AR: variants seen among roughly 807,000 people sequenced by gnomAD.
AR encodes androgen receptor, also known as dihydrotestosterone receptor.
AR carries 8 observed loss-of-function variants against 53.9 expected under a neutral mutation model. That is an observed-to-expected ratio of 0.15 (90% CI 0.09 to 0.27). The LOEUF is 0.27. Ranked by LOEUF, AR falls within the 10% of genes least tolerant of loss-of-function variation. The pLI, the probability that AR is intolerant of heterozygous loss-of-function variation, is 1.00. For missense variants in AR, 639 were observed against 742.5 expected (o/e 0.86, Z 1.62); for synonymous variants, 359 against 316.4 (o/e 1.13, Z -1.43).
intron 1 of AR, among the ~76,000 whole-genome samples, chrX:67,626,436 C>CTTTTTTTTTTTT (rs1233324601): frequency 4.3e-5 from 2 of 46,808 alleles, no homozygotes; most frequent in African/African-American, 7.3e-5. Context: ...CAGGCTCTCT[C>CTTTTTTTTTTTT]TTTTTTTTTT....
chrX:67,690,693 A>T (rs764965239), intron 3 of AR, among the ~76,000 whole-genome samples: 2 of 112,141 alleles, frequency 1.8e-5, no homozygotes, highest in African/African-American at 6.5e-5. Context: ...GGGGAAGCAG[A>T]ACTGAATAAG....
rs2147319325 is a variant in AR, at chrX:67,546,102, G to T, written c.956G>T (p.Gly319Val). The change falls in exon 1 of 8, where the codon GGG becomes GTG. Residue 319 changes from glycine (G) to valine (V), a missense_variant. Physicochemically the swap from Gly to Val is moderately radical, Grantham distance 109. This residue lies in a region of AR where 423 missense variants were observed against 377.0 expected (regional missense o/e 1.12). Transcript: ENST00000374690. Reference protein sequence around the residue: ...YSPFKGGYTKGLEGESLGCSG... With the variant: ...YSPFKGGYTKVLEGESLGCSG... ...CCTTTCAAGGGAGGTTACACCAAAG[G>T]GCTAGAAGGCGAGAGCCTAGGCTGC... 2 of 1,212,231 alleles carry T rather than the reference G, an allele frequency of 1.6e-6. No homozygotes were observed. Among genetic ancestry groups the T allele is most frequent in the Non-Finnish European group, 2.2e-6 (2 of 895,604 alleles).
chrX:67,666,593 TC>T (rs1441993114), intron 2 of AR, among the ~76,000 whole-genome samples: 1 of 111,652 alleles, frequency 9.0e-6, no homozygotes, highest in Non-Finnish European at 1.9e-5. Context: ...GATTGCTGGG[TC>T]ATATGATAGC....
At chrX:67,700,523 C>T (rs942458198) in intron 3 of AR, among the ~76,000 whole-genome samples, 2 of 111,584 alleles carry the variant, frequency 1.8e-5, no homozygotes, top group Admixed American at 1.9e-4. Flanking sequence ...ATTTCAATTA[C>T]GTTCAGTATA....
rs756326563 is a variant in AR at position 67,724,993 on chromosome X, AAT to A, written c.*1154_*1155del. The A allele has an allele frequency of 5.7e-6, 1 of 173,949 alleles. No individual in the cohort carries two copies. Among genetic ancestry groups the A allele is most frequent in the Admixed American group, 7.9e-5 (1 of 12,615 alleles). 14.3% of individuals were successfully genotyped at this position (173,949 alleles called of 1,213,427 possible). On this transcript the variant is annotated 3_prime_UTR_variant, in exon 8 of 8. Coordinates refer to ENST00000374690, the MANE Select transcript of AR (RefSeq NM_000044.6). Reference sequence around the variant, plus strand: ...GTTCTCCTGCTTAGGACACTGACTGAATAGTTAAACTCTCACTGCCACTACCT... The same window carrying A: ...GTTCTCCTGCTTAGGACACTGACTGAAGTTAAACTCTCACTGCCACTACCT...
intron 3 of AR, chrX:67,695,771 A>ACG (rs2076017289): frequency 4.1e-6 from 3 of 728,940 alleles, no homozygotes; most frequent in Non-Finnish European, 4.8e-6. Context: ...ACACACACAC[A>ACG]CGCTCTCTCT....
intron 2 of AR, among the ~76,000 whole-genome samples, chrX:67,661,698 G>A (rs1654324180): frequency 9.0e-6 from 1 of 111,161 alleles, no homozygotes; most frequent in South Asian, 3.8e-4. Flanking sequence ...GGATGATGTT[G>A]GCCTCCTAAA....
intron 1 of AR, among the ~76,000 whole-genome samples, chrX:67,598,916 T>C (rs1391693821): frequency 4.5e-5 from 5 of 111,187 alleles, no homozygotes; most frequent in Non-Finnish European, 9.4e-5. Context: ...AGAATCTTTG[T>C]CCTGAGGGAG....
intron 1 of AR, among the ~76,000 whole-genome samples, chrX:67,623,165 AC>A (rs755525527): frequency 7.4e-5 from 8 of 108,672 alleles, no homozygotes; most frequent in Non-Finnish European, 1.3e-4. Flanking sequence ...AATGAGAACC[AC>A]CCCCCCGCCC....
chrX:67,663,683 T>C (rs965373714), intron 2 of AR, among the ~76,000 whole-genome samples: 2 of 112,261 alleles, frequency 1.8e-5, no homozygotes. Flanking sequence ...CCTTGCTAGA[T>C]TGGGGAAGTT....
intron 1 of AR, among the ~76,000 whole-genome samples, chrX:67,580,212 C>G (rs1046905823): frequency 9.1e-6 from 1 of 110,033 alleles, no homozygotes; most frequent in Non-Finnish European, 1.9e-5. Context: ...GCCTCATAGC[C>G]CTGACAGAGA....
chrX:67,720,337 T>C lies in AR; in HGVS notation c.2319-1496T>C, dbSNP rs967151045. 4.6e-5 allele frequency among the ~76,000 whole-genome samples: 5 copies of C among 109,432 alleles called. No homozygotes were observed. The South Asian group carries it at 1.7e-3, about 36-fold the overall frequency. ...TCCCCCATGAATTTCTTCTCTTTCC[T>C]TTCCCCTTCTCTTTCCTCCATTCCC... On this transcript the variant is annotated intron_variant, in intron 5 of 7. Transcript: ENST00000374690.
At chrX:67,605,999 T>C (rs2078000237) in intron 1 of AR, among the ~76,000 whole-genome samples, 1 of 112,733 alleles carries the variant, frequency 8.9e-6, no homozygotes, top group Admixed American at 9.4e-5. Context: ...GACAAATCTC[T>C]GTCTTTTAGG....
intron 4 of AR, among the ~76,000 whole-genome samples, chrX:67,715,896 G>A (rs1317973763): frequency 9.0e-6 from 1 of 111,719 alleles, no homozygotes; most frequent in African/African-American, 3.3e-5. Flanking sequence ...GAGAGTGTTG[G>A]TAGGGACGAG....
At chrX:67,552,090 A>G (rs1457815039) in intron 1 of AR, among the ~76,000 whole-genome samples, 2 of 112,211 alleles carry the variant, frequency 1.8e-5, no homozygotes, top group Non-Finnish European at 3.8e-5. Flanking sequence ...CATGCTTTTT[A>G]GAATATTCAG....
chrX:67,590,657 T>C (rs1922787882), intron 1 of AR, among the ~76,000 whole-genome samples: 1 of 112,195 alleles, frequency 8.9e-6, no homozygotes, highest in African/African-American at 3.2e-5. Flanking sequence ...ATGGATAATT[T>C]AGATGTGACT....
At chrX:67,609,018 A>C (rs961048222) in intron 1 of AR, among the ~76,000 whole-genome samples, 1 of 110,444 alleles carries the variant, frequency 9.1e-6, no homozygotes, top group African/African-American at 3.3e-5. Context: ...CTCAATAGCC[A>C]CATCTATCTA....
chrX:67,712,999 A>G lies in AR; in HGVS notation c.2173+1310A>G, dbSNP rs757522316. Among the ~76,000 whole-genome samples, 561 of 111,805 alleles carry G rather than the reference A, an allele frequency of 5.0e-3. 2 individuals are homozygous for G. Among genetic ancestry groups the G allele is most frequent in the African/African-American group, 0.017 (537 of 30,808 alleles). On this transcript the variant is annotated intron_variant, in intron 4 of 7. Transcript: ENST00000374690. ...TGATGTGATTGGCCTATAGTTACAT[A>G]GTCAGAAAATAGCAGGACCAGAACT... is the stretch of plus-strand genomic sequence containing the variant.
At chrX:67,589,406 A>T (rs758887566) in intron 1 of AR, among the ~76,000 whole-genome samples, 1 of 112,213 alleles carries the variant, frequency 8.9e-6, no homozygotes, top group Non-Finnish European at 1.9e-5. Flanking sequence ...TCACGGCCTT[A>T]CAGAGTGTGT....
Sources: gnomAD v4.1 joint callset for allele counts (sites outside exome capture counted in the v4.1 genomes callset) on GRCh38, gnomAD v4.1.1 for gene constraint, gnomAD v4.1.1 regional missense constraint, MANE v1.5 for transcripts, NCBI Gene and HGNC (gene_info 2026-07-23, HGNC 2026-07-21) for gene names.